SLC39A10: variants seen among roughly 807,000 people sequenced by gnomAD.
The protein encoded by SLC39A10 is solute carrier family 39 member 10.
A neutral mutation model predicts 65.1 loss-of-function variants in SLC39A10; 13 were observed. The ratio of observed to expected loss-of-function variants is 0.20; its 90% CI spans 0.13 to 0.32. SLC39A10 has a LOEUF of 0.32. Among genes scored for constraint, SLC39A10 ranks in the 10% least tolerant of loss-of-function variants. The pLI is 1.00. For synonymous variants in SLC39A10, 321 were observed against 342.2 expected (o/e 0.94, Z 0.68); for missense variants, 831 against 1,018.4 (o/e 0.82, Z 2.50).
intron 3 of SLC39A10, among the ~76,000 whole-genome samples, chr2:195,685,510 A>G (rs939620797): frequency 6.6e-6 from 1 of 152,002 alleles, no homozygotes; most frequent in East Asian, 1.9e-4. Flanking sequence ...CTCATCATTC[A>G]TTTCTCTCCT....
At chr2:195,723,205 C>A (rs1692112644) in intron 8 of SLC39A10, among the ~76,000 whole-genome samples, 2 of 152,164 alleles carry the variant, frequency 1.3e-5, no homozygotes, top group Non-Finnish European at 2.9e-5. Flanking sequence ...TTTGTGTTTG[C>A]TCTCTGGTGT....
rs926621557 is a variant in SLC39A10 at position 195,677,792 on chromosome 2, C to T, written c.-11-2240C>T. Among the ~76,000 whole-genome samples, 8 of 147,920 alleles carry T rather than the reference C, an allele frequency of 5.4e-5. No individual in the cohort carries two copies. In the Middle Eastern group the frequency reaches 0.011, roughly 197 times the overall value. ...TTGACCAGAGTCTGTCTCTGTTGCCCATGCTGGAGTGCAGTGGCACGATCA... is the reference window on the plus strand; with the variant it reads ...TTGACCAGAGTCTGTCTCTGTTGCCTATGCTGGAGTGCAGTGGCACGATCA... On this transcript the variant is annotated intron_variant, in intron 1 of 9. Transcript: ENST00000359634.
chr2:195,652,364 A>G (rs1048496348), upstream of SLC39A10, among the ~76,000 whole-genome samples: 14 of 152,024 alleles, frequency 9.2e-5, no homozygotes, highest in Admixed American at 9.2e-4. Flanking sequence ...CCTGGCCAAC[A>G]TGGAGAAAAC....
chr2:195,706,391 G>A (rs141335853), intron 3 of SLC39A10, among the ~76,000 whole-genome samples: 3 of 149,486 alleles, frequency 2.0e-5, no homozygotes, highest in African/African-American at 7.4e-5. Flanking sequence ...GCCATTGAAG[G>A]TACTATTTAT....
rs1016546994 is a variant in SLC39A10 at position 195,681,253 on chromosome 2, G to A, written c.1008+203G>A. ...TGTAAAGATTTTTAAGTATCCGGGC[G>A]CGGTGGCTCACACCTGTAATCCCAG... is the stretch of plus-strand genomic sequence containing the variant. On this transcript the variant is annotated intron_variant, in intron 2 of 9. Coordinates refer to ENST00000359634, the MANE Select transcript of SLC39A10 (RefSeq NM_020342.3). 3.0e-4 allele frequency among the ~76,000 whole-genome samples: 45 copies of A among 152,234 alleles called. 1 individual carries two copies. Among genetic ancestry groups the A allele is most frequent in the South Asian group, 6.2e-4 (3 of 4,814 alleles).
At chr2:195,670,269 T>G (rs1051519535) in intron 1 of SLC39A10, 1 of 152,098 alleles carries the variant, frequency 6.6e-6, no homozygotes, top group Non-Finnish European at 1.5e-5. Flanking sequence ...ATATTTATTA[T>G]GTACAACATG....
rs187393056 is a variant in SLC39A10, at chr2:195,682,270, A to G, written c.1008+1220A>G. Among the ~76,000 whole-genome samples the G allele has an allele frequency of 1.7e-4, 26 of 152,312 alleles. 1 individual carries two copies. The East Asian group carries it at 2.7e-3, about 16-fold the overall frequency. On this transcript the variant is annotated intron_variant, in intron 2 of 9. Coordinates refer to ENST00000359634, the MANE Select transcript of SLC39A10 (RefSeq NM_020342.3). ...AAAGTAGCACCATCAACTGTGGAAAATGACCACATCCTTTTCTGTCACTGT... is the reference window on the plus strand; with the variant it reads ...AAAGTAGCACCATCAACTGTGGAAAGTGACCACATCCTTTTCTGTCACTGT...
At chr2:195,713,693 G>A (rs776905369) in intron 6 of SLC39A10, 140 bp downstream of exon 6, 2 of 1,059,306 alleles carry the variant, frequency 1.9e-6, no homozygotes, top group Non-Finnish European at 2.6e-6. Flanking sequence ...AGCAGAAAAG[G>A]TGTTACCCTC....
chr2:195,661,336 T>G (rs927592639), intron 1 of SLC39A10, among the ~76,000 whole-genome samples: 1 of 152,178 alleles, frequency 6.6e-6, no homozygotes, highest in South Asian at 2.1e-4. Flanking sequence ...AATAAAAAAT[T>G]AGTGGAATGC....
At chr2:195,683,553 T>G (rs1265621220) in intron 2 of SLC39A10, 146 bp from the exon 3 acceptor site, 1 of 625,928 alleles carries the variant, frequency 1.6e-6, no homozygotes, top group East Asian at 2.9e-5. Context: ...AAATTCTTAT[T>G]AAAAAGTTTT....
At chr2:195,724,748 A>G (rs1364811400) in intron 8 of SLC39A10, among the ~76,000 whole-genome samples, 1 of 152,144 alleles carries the variant, frequency 6.6e-6, no homozygotes, top group Non-Finnish European at 1.5e-5. Flanking sequence ...CTATAGACAC[A>G]GTGCATTCTC....
chr2:195,655,990 A>T (rs1396929158), upstream of SLC39A10, among the ~76,000 whole-genome samples: 2 of 152,182 alleles, frequency 1.3e-5, no homozygotes, highest in African/African-American at 2.4e-5. Flanking sequence ...CTGCTCTGTG[A>T]TACCAGGCAA....
chr2:195,621,206 A>T (rs1183074440), intron 2 of SLC39A10, among the ~76,000 whole-genome samples: 1 of 152,222 alleles, frequency 6.6e-6, no homozygotes, highest in African/African-American at 2.4e-5. Context: ...TTGGAATCAT[A>T]GTGAATTATA....
chr2:195,679,830 A>G (rs549057616), intron 1 of SLC39A10, among the ~76,000 whole-genome samples: 1 of 152,328 alleles, frequency 6.6e-6, no homozygotes, highest in Non-Finnish European at 1.5e-5. Flanking sequence ...ATTCTTAAAG[A>G]TTCTTTAAGG....
chr2:195,665,065 T>C (rs1689582431), intron 1 of SLC39A10, among the ~76,000 whole-genome samples: 1 of 152,132 alleles, frequency 6.6e-6, no homozygotes, highest in South Asian at 2.1e-4. Flanking sequence ...GGCTCACGCC[T>C]GTAATCCCAG....
At chr2:195,716,198 TA>T (rs1193301072) in intron 6 of SLC39A10, among the ~76,000 whole-genome samples, 3 of 152,216 alleles carry the variant, frequency 2.0e-5, no homozygotes, top group Non-Finnish European at 4.4e-5. Flanking sequence ...CTACAGTTAA[TA>T]AAGTTCTCAG....
Position 195,736,166 on chromosome 2 carries a change from T to G in SLC39A10, c.*1125T>G, listed in dbSNP as rs1310847491. The G allele has an allele frequency of 6.5e-6, 1 of 152,698 alleles. No individual in the cohort carries two copies. Among genetic ancestry groups the G allele is most frequent in the South Asian group, 2.1e-4 (1 of 4,834 alleles). The allele number at this position is 152,698 out of a possible 1,614,324, so 9.5% of individuals were successfully genotyped here. On this transcript the variant is annotated 3_prime_UTR_variant, in exon 10 of 10. Coordinates refer to ENST00000359634, the MANE Select transcript of SLC39A10 (RefSeq NM_020342.3). ...CATGGTACCCAAGTGACTTGGAAGA[T>G]GCATTTAAATTACTCAGCTGAAATC...
chr2:195,726,662 A>T (rs1030824557), intron 8 of SLC39A10, among the ~76,000 whole-genome samples: 2 of 152,188 alleles, frequency 1.3e-5, no homozygotes, highest in Non-Finnish European at 2.9e-5. Context: ...TTCCAAAACA[A>T]TGCTGCAGTG....
chr2:195,674,596 C>T (rs1690008620), intron 1 of SLC39A10: 1 of 985,324 alleles, frequency 1.0e-6, no homozygotes, highest in Middle Eastern at 5.2e-4. Context: ...TTATTTACCT[C>T]CTTTTTTCTT....
Sources: allele counts gnomAD v4.1 joint callset (sites outside exome capture counted in the v4.1 genomes callset), GRCh38; gene constraint gnomAD v4.1.1; transcripts MANE v1.5; gene names NCBI Gene and HGNC (gene_info 2026-07-23, HGNC 2026-07-21).